Variants in CHIC2 observed in about 807,000 individuals in gnomAD.
The protein encoded by CHIC2 is cysteine rich hydrophobic domain 2.
A neutral mutation model predicts 25.9 loss-of-function variants in CHIC2; 14 were observed. That is an observed-to-expected ratio of 0.54 (90% confidence interval 0.36 to 0.85). The LOEUF (loss-of-function observed/expected upper bound fraction) is 0.85, where lower values mean the gene tolerates loss of function less well. Among genes scored for constraint, CHIC2 ranks in the 40% least tolerant of loss-of-function variants. The pLI is 0.01. For missense variants in CHIC2, 146 were observed against 202.0 expected, an observed-to-expected ratio of 0.72 and a Z score of 1.68; for synonymous variants, 70 against 72.0, an observed-to-expected ratio of 0.97 and a Z score of 0.14.
chr4:54,078,405 TTAAAA>T, the CHIC2 span, among the ~76,000 whole-genome samples: 2 of 152,220 alleles, frequency 1.3e-5, no homozygotes, highest in African/African-American at 4.8e-5. Flanking sequence ...TGGATCATAA[TTAAAA>T]TAATATAGGA....
At chr4:54,038,156 A>T (rs1454853452) in intron 3 of CHIC2, among the ~76,000 whole-genome samples, 1 of 152,186 alleles carries the variant, frequency 6.6e-6, no homozygotes, top group Non-Finnish European at 1.5e-5. Flanking sequence ...AGGAAAAGAA[A>T]AAGTACACAG....
intron 1 of CHIC2, among the ~76,000 whole-genome samples, chr4:54,061,895 CATT>C (rs1717345753): frequency 1.3e-5 from 2 of 152,234 alleles, no homozygotes; most frequent in Non-Finnish European, 2.9e-5. Flanking sequence ...TAAGGTGAAT[CATT>C]GTTATGTTTG....
chr4:54,054,511 T>C (rs1231115608), intron 1 of CHIC2, among the ~76,000 whole-genome samples: 1 of 152,232 alleles, frequency 6.6e-6, no homozygotes, highest in East Asian at 1.9e-4. Flanking sequence ...CAGTGAAATT[T>C]TTAAAACAGA....
chr4:54,059,242 G>C (rs958755852), intron 1 of CHIC2, among the ~76,000 whole-genome samples: 7 of 151,936 alleles, frequency 4.6e-5, no homozygotes, highest in African/African-American at 1.5e-4. Flanking sequence ...AAAATCTCTG[G>C]GAAGCCACGC....
At chr4:54,078,022 A>T in the CHIC2 span, among the ~76,000 whole-genome samples, 1 of 152,324 alleles carries the variant, frequency 6.6e-6, no homozygotes, top group East Asian at 1.9e-4. Context: ...AGAAATCCTA[A>T]GTCAAAATTT....
At chr4:54,062,261 T>C (rs999377227) in intron 1 of CHIC2, among the ~76,000 whole-genome samples, 27 of 152,214 alleles carry the variant, frequency 1.8e-4, no homozygotes, top group African/African-American at 6.3e-4. Context: ...TTATTGATGA[T>C]AGATAGTCCC....
intron 3 of CHIC2, among the ~76,000 whole-genome samples, chr4:54,029,056 G>A (rs1716143866): frequency 6.6e-6 from 1 of 151,588 alleles, no homozygotes; most frequent in African/African-American, 2.4e-5. Context: ...TGGGGAGGTG[G>A]AGATTGCAGT....
intron 3 of CHIC2, among the ~76,000 whole-genome samples, chr4:54,045,112 G>A (rs1048019670): frequency 6.6e-6 from 1 of 152,082 alleles, no homozygotes; most frequent in Non-Finnish European, 1.5e-5. Flanking sequence ...GAAGTTGAAT[G>A]TCTGAATAGA....
upstream of CHIC2, among the ~76,000 whole-genome samples, chr4:54,067,926 C>CG (rs548038508): frequency 3.8e-4 from 57 of 150,692 alleles, no homozygotes; most frequent in East Asian, 8.8e-3. Flanking sequence ...TTGTCCCCCC[C>CG]CCCAAATTCA....
intron 3 of CHIC2, among the ~76,000 whole-genome samples, chr4:54,041,070 C>A (rs77720640): frequency 0.023 from 3,474 of 150,846 alleles, 136 homozygotes; most frequent in African/African-American, 0.08. Flanking sequence ...GCACGTGCCA[C>A]CATGCCAGCT....
the CHIC2 span, chr4:54,087,104 T>C: frequency 4.2e-6 from 4 of 956,212 alleles, no homozygotes; most frequent in Non-Finnish European, 6.7e-6. Flanking sequence ...GTGGGGTCGC[T>C]CTGCAGAGAA....
the CHIC2 span, among the ~76,000 whole-genome samples, chr4:54,080,985 TAA>T: frequency 5.3e-5 from 6 of 113,522 alleles, no homozygotes; most frequent in Non-Finnish European, 7.4e-5. Flanking sequence ...TATATATATA[TAA>T]AATCATCACA....
intron 3 of CHIC2, 98 bp from the exon 4 acceptor site, chr4:54,014,217 GTGAC>G: frequency 1.1e-6 from 1 of 920,814 alleles, no homozygotes; most frequent in Non-Finnish European, 1.7e-6. Flanking sequence ...GTATAAGACA[GTGAC>G]TGAGTATAGT....
At chr4:54,074,877 G>A in the CHIC2 span, among the ~76,000 whole-genome samples, 1 of 152,164 alleles carries the variant, frequency 6.6e-6, no homozygotes, top group South Asian at 2.1e-4. Context: ...TGAGGCCAAG[G>A]CAAGAGAATT....
intron 5 of CHIC2, 134 bp downstream of exon 5, chr4:54,013,703 C>A: frequency 1.3e-6 from 1 of 755,182 alleles, no homozygotes; most frequent in Non-Finnish European, 2.2e-6. Context: ...ATCTGTGAAC[C>A]GTAGAAAATC....
Position 54,010,005 on chromosome 4 carries a change from A to G in CHIC2, c.*90T>C, listed in dbSNP as rs970989564. The G allele has an allele frequency of 3.6e-6, 3 of 825,890 alleles. No homozygotes were observed. Among genetic ancestry groups the G allele is most frequent in the Non-Finnish European group, 3.9e-6 (2 of 509,336 alleles). The allele number at this position is 825,890 out of a possible 1,614,324, so 51.2% of individuals were successfully genotyped here. On this transcript the variant is annotated 3_prime_UTR_variant, in exon 6 of 6. Coordinates refer to ENST00000263921, the MANE Select transcript of CHIC2 (RefSeq NM_012110.4). ...AAAAAACACCACACGATTCTGTAGA[A>G]CCAATGTTATGTCACCACCAGGAGA...
chr4:54,087,034 C>A, the CHIC2 span: 367 of 1,128,504 alleles, frequency 3.3e-4, 1 homozygote, highest in African/African-American at 5.0e-3. Flanking sequence ...GGGGCCTCCT[C>A]AGGAAAGAAG....
At chr4:54,027,413 T>C (rs1716095559) in intron 3 of CHIC2, among the ~76,000 whole-genome samples, 1 of 152,180 alleles carries the variant, frequency 6.6e-6, no homozygotes, top group Non-Finnish European at 1.5e-5. Flanking sequence ...TTAATTTTAA[T>C]TAAAAACAAA....
upstream of CHIC2, among the ~76,000 whole-genome samples, chr4:54,065,690 T>C (rs1175184492): frequency 6.6e-6 from 1 of 152,152 alleles, no homozygotes; most frequent in African/African-American, 2.4e-5. Context: ...ACAGTGAGGA[T>C]ACACCATGGG....
Sources: allele counts gnomAD v4.1 joint callset (sites outside exome capture counted in the v4.1 genomes callset), GRCh38; gene constraint gnomAD v4.1.1; transcripts MANE v1.5; gene names NCBI Gene and HGNC (gene_info 2026-07-23, HGNC 2026-07-21).